Variants in TSHZ3 observed in about 807,000 individuals in gnomAD.
TSHZ3 encodes the protein teashirt homolog 3.
TSHZ3 carries 10 observed loss-of-function variants against 64.5 expected under a neutral mutation model. The observed-to-expected ratio is 0.16, with a 90% CI of 0.10 to 0.26. The LOEUF (loss-of-function observed/expected upper bound fraction) is 0.26. TSHZ3 is among the 10% of genes least tolerant of loss of function. The probability of loss-of-function intolerance (pLI) is 1.00; values close to 1 mark genes in which losing one functional copy is unlikely to be tolerated. For synonymous variants in TSHZ3, 608 were observed against 593.1 expected (o/e 1.03, Z -0.36); for missense variants, 1,242 against 1,421.7 (o/e 0.87, Z 2.03).
At chr19:31,228,434 G>C (rs946552035) in intron 3 of TSHZ3, among the ~76,000 whole-genome samples, 1 of 151,004 alleles carries the variant, frequency 6.6e-6, no homozygotes. Context: ...GCTGAGGGGG[G>C]AGGATCACAT....
chr19:31,177,691 A>G (rs1208460276), intron 5 of TSHZ3, among the ~76,000 whole-genome samples: 1 of 152,246 alleles, frequency 6.6e-6, no homozygotes, highest in African/African-American at 2.4e-5. Context: ...CGCGCTGGGA[A>G]GCAAATAGAT....
chr19:31,349,374 G>A lies in TSHZ3; in HGVS notation c.-155C>T. The A allele has an allele frequency of 1.8e-6, 1 of 554,708 alleles. No individual in the cohort carries two copies. Among genetic ancestry groups the A allele is most frequent in the Middle Eastern group, 5.3e-4 (1 of 1,870 alleles). 34.4% of individuals were successfully genotyped at this position (554,708 alleles called of 1,614,324 possible). Reference sequence around the variant, plus strand: ...CGCCCGCAGGATGCTGCTGCGCCCAGGCTCTCCGCGTCCCCCCCGCGCCGC... The same window carrying A: ...CGCCCGCAGGATGCTGCTGCGCCCAAGCTCTCCGCGTCCCCCCCGCGCCGC... On this transcript the variant is annotated 5_prime_UTR_variant, in exon 1 of 2. Coordinates refer to ENST00000240587, the MANE Select transcript of TSHZ3 (RefSeq NM_020856.4).
At chr19:31,244,333 A>G (rs1458729046) in intron 1 of TSHZ3, among the ~76,000 whole-genome samples, 1 of 152,128 alleles carries the variant, frequency 6.6e-6, no homozygotes, top group Non-Finnish European at 1.5e-5. Flanking sequence ...TGGCCATGTA[A>G]GACATGCTGG....
At chr19:31,232,578 T>C (rs1431032349) in intron 3 of TSHZ3, among the ~76,000 whole-genome samples, 1 of 152,158 alleles carries the variant, frequency 6.6e-6, no homozygotes, top group African/African-American at 2.4e-5. Context: ...AATAGCAAAA[T>C]ACACACATTT....
At chr19:31,256,471 G>T (rs566161892) in intron 1 of TSHZ3, among the ~76,000 whole-genome samples, 2 of 152,180 alleles carry the variant, frequency 1.3e-5, no homozygotes, top group African/African-American at 4.8e-5. Flanking sequence ...ACAGATGTTT[G>T]CCCAGAGGGC....
At chr19:31,211,494 G>C (rs1002702732) in intron 4 of TSHZ3, among the ~76,000 whole-genome samples, 3 of 152,142 alleles carry the variant, frequency 2.0e-5, no homozygotes, top group African/African-American at 7.2e-5. Context: ...TCCTGGACCC[G>C]GGGAAGAAGG....
chr19:31,170,704 T>C (rs1718436254), intron 5 of TSHZ3, among the ~76,000 whole-genome samples: 1 of 152,246 alleles, frequency 6.6e-6, no homozygotes, highest in African/African-American at 2.4e-5. Flanking sequence ...TTTGAAAAGA[T>C]GTTTCCCCAC....
chr19:31,347,427 C>CAG (rs879785373), intron 1 of TSHZ3, among the ~76,000 whole-genome samples: 1 of 151,812 alleles, frequency 6.6e-6, no homozygotes, highest in Non-Finnish European at 1.5e-5. Flanking sequence ...GAGGCACACA[C>CAG]ATACCTTAAA....
intron 1 of TSHZ3, among the ~76,000 whole-genome samples, chr19:31,266,675 T>C (rs544211802): frequency 1.3e-5 from 2 of 152,112 alleles, no homozygotes; most frequent in South Asian, 2.1e-4. Context: ...AAAGTTGTGG[T>C]ATAAAGTTCT....
At position 31,207,855 on chromosome 19, in the gene TSHZ3, G is replaced by C. The variant is rs144933901; in HGVS notation, n.687-2777C>G. ...AAAAGAATCCCTTTGAATGATACCT[G>C]ATTAATGTGTGTATAAAGCACACAG... is the stretch of plus-strand genomic sequence containing the variant. On this transcript the variant is annotated intron_variant and non_coding_transcript_variant, in intron 4 of 6. Coordinates refer to the TSHZ3 transcript ENST00000651361. 1.8e-4 allele frequency among the ~76,000 whole-genome samples: 28 copies of C among 152,310 alleles called. No individual in the cohort carries two copies. The East Asian group carries it at 4.8e-3, about 26-fold the overall frequency.
At chr19:31,239,508 C>A (rs1599599779) in intron 3 of TSHZ3, among the ~76,000 whole-genome samples, 1 of 152,146 alleles carries the variant, frequency 6.6e-6, no homozygotes, top group South Asian at 2.1e-4. Context: ...ATCTTGATTT[C>A]ATTCTCACTT....
At chr19:31,226,601 C>A (rs1975465288) in intron 4 of TSHZ3, among the ~76,000 whole-genome samples, 1 of 152,258 alleles carries the variant, frequency 6.6e-6, no homozygotes, top group African/African-American at 2.4e-5. Flanking sequence ...ACTAATACAC[C>A]ATTCCATCAG....
intron 1 of TSHZ3, among the ~76,000 whole-genome samples, chr19:31,325,129 G>A (rs188092982): frequency 6.6e-6 from 1 of 152,358 alleles, no homozygotes; most frequent in African/African-American, 2.4e-5. Flanking sequence ...TACGGGCACA[G>A]TGCCTCTGTG....
intron 5 of TSHZ3, among the ~76,000 whole-genome samples, chr19:31,202,170 TA>T (rs566492729): frequency 2.8e-4 from 40 of 144,990 alleles, no homozygotes; most frequent in Non-Finnish European, 2.7e-4. Context: ...TGTCTAAAAA[TA>T]AAAAAAAAAG....
At chr19:31,190,935 A>G (rs1375655472) in intron 5 of TSHZ3, among the ~76,000 whole-genome samples, 1 of 152,200 alleles carries the variant, frequency 6.6e-6, no homozygotes, top group Non-Finnish European at 1.5e-5. Flanking sequence ...ACTGGATGCA[A>G]TTAATAGCAT....
intron 5 of TSHZ3, among the ~76,000 whole-genome samples, chr19:31,178,452 G>A (rs1974646799): frequency 6.6e-6 from 1 of 152,204 alleles, no homozygotes. Flanking sequence ...GGCCAAGTCA[G>A]GTGGATCGCC....
intron 1 of TSHZ3, among the ~76,000 whole-genome samples, chr19:31,342,812 G>T (rs915169409): frequency 1.3e-5 from 2 of 152,182 alleles, no homozygotes; most frequent in Admixed American, 1.3e-4. Context: ...TTGTAAACAT[G>T]ACCTTCTGGC....
chr19:31,288,562 T>G (rs1359899832), intron 1 of TSHZ3, among the ~76,000 whole-genome samples: 6 of 152,108 alleles, frequency 3.9e-5, no homozygotes, highest in Admixed American at 3.9e-4. Flanking sequence ...GGAGAGGACC[T>G]GCCGATTCTC....
chr19:31,315,018 G>C (rs926621077), intron 1 of TSHZ3, among the ~76,000 whole-genome samples: 4 of 152,212 alleles, frequency 2.6e-5, no homozygotes, highest in Admixed American at 6.5e-5. Context: ...CCCAAGCAGG[G>C]AATCCTGCCA....
Sources: allele counts gnomAD v4.1 joint callset (sites outside exome capture counted in the v4.1 genomes callset), GRCh38; gene constraint gnomAD v4.1.1; transcripts MANE v1.5; gene names NCBI Gene and HGNC (gene_info 2026-07-23, HGNC 2026-07-21).